The following KIR3DL1 variants were observed in gnomAD, a reference collection of about 807,000 sequenced individuals.
KIR3DL1 encodes killer cell immunoglobulin like receptor, three Ig domains and long cytoplasmic tail 1, also known as killer cell immunoglobulin-like receptor 3DL1.
A neutral mutation model predicts 40.3 loss-of-function variants in KIR3DL1; 50 were observed. That is an observed-to-expected ratio of 1.24 (90% CI 0.99 to 1.57). The LOEUF is 1.57. KIR3DL1 is among the 40% of genes most tolerant of loss of function. The pLI is 0.00. For missense variants in KIR3DL1, 661 were observed against 559.9 expected (o/e 1.18, Z -1.82); for synonymous variants, 257 against 207.2 (o/e 1.24, Z -2.07).
At chr19:54,817,784 A>G (rs2061424594) in intron 2 of KIR3DL1, among the ~76,000 whole-genome samples, 1 of 147,882 alleles carries the variant, frequency 6.8e-6, no homozygotes, top group African/African-American at 2.6e-5. Context: ...GTGCTCCAAG[A>G]TGGGTGTGCA....
chr19:54,827,542 G>T (rs1220160160), intron 6 of KIR3DL1, among the ~76,000 whole-genome samples: 4 of 150,670 alleles, frequency 2.7e-5, no homozygotes, highest in Non-Finnish European at 4.4e-5. Flanking sequence ...TTCAACCCAG[G>T]AGGTGGAGGT....
chr19:54,818,218 G>T (rs1474848564), intron 2 of KIR3DL1, 97 bp from the exon 3 acceptor site: 3 of 1,371,672 alleles, frequency 2.2e-6, no homozygotes, highest in Admixed American at 3.9e-5. Flanking sequence ...TGTGGTAGGA[G>T]CCTTAGAAAG....
chr19:54,817,401 C>G (rs1276304975), intron 1 of KIR3DL1, 133 bp from the exon 2 acceptor site: 3 of 768,540 alleles, frequency 3.9e-6, no homozygotes, highest in African/African-American at 3.8e-5. Context: ...TTCCTGGGGG[C>G]AGGTAGGCAG....
At chr19:54,823,936 C>T in intron 5 of KIR3DL1, among the ~76,000 whole-genome samples, 1 of 135,916 alleles carries the variant, frequency 7.4e-6, no homozygotes, top group East Asian at 2.0e-4. Context: ...GTCTTTTGCT[C>T]GTTTTTTAAT....
chr19:54,826,344 T>G (rs1406724935), intron 6 of KIR3DL1, among the ~76,000 whole-genome samples: 10 of 149,066 alleles, frequency 6.7e-5, no homozygotes, highest in South Asian at 6.5e-4. Context: ...AGACAGAGTC[T>G]CCCTCTGTCT....
Position 54,821,562 on chromosome 19 carries a change from C to G in KIR3DL1, c.656-3C>G. On this transcript the variant is annotated splice_region_variant and splice_polypyrimidine_tract_variant and intron_variant, in intron 4 of 8. Transcript: ENST00000391728. ...CTGAGGAAACTGCCTCTTCTCCTTC[C>G]AGGTCCATATGAGAAACCTTCTCTC... 1 of 1,603,922 alleles carries G rather than the reference C, an allele frequency of 6.2e-7. No homozygotes were observed. Among genetic ancestry groups the G allele is most frequent in the Non-Finnish European group, 8.5e-7 (1 of 1,175,168 alleles).
At chr19:54,817,848 G>C (rs2061427581) in intron 2 of KIR3DL1, among the ~76,000 whole-genome samples, 3 of 148,798 alleles carry the variant, frequency 2.0e-5, no homozygotes, top group Admixed American at 2.0e-4. Flanking sequence ...GCTAGGAACA[G>C]CAGGTCCTCT....
intron 5 of KIR3DL1, among the ~76,000 whole-genome samples, chr19:54,822,561 G>A (rs2061692911): frequency 6.7e-6 from 1 of 150,330 alleles, no homozygotes; most frequent in South Asian, 2.1e-4. Context: ...CCAGGAGGCA[G>A]AGGTTGCACT....
At chr19:54,819,830 A>C (rs2061539788) in exon 4 of KIR3DL1, 1 of 1,611,980 alleles carries the variant, frequency 6.2e-7, no homozygotes, top group Non-Finnish European at 8.5e-7. Flanking sequence ...CTGCACAAAG[A>C]GGGGATCTCT....
In KIR3DL1 at chr19:54,821,564, G is replaced by A. The variant is rs1250808088; in HGVS notation, c.656-1G>A. The A allele has an allele frequency of 1.9e-6, 3 of 1,604,462 alleles. No individual in the cohort carries two copies. Among genetic ancestry groups the A allele is most frequent in the Middle Eastern group, 1.7e-4 (1 of 5,984 alleles). On this transcript the variant is annotated splice_acceptor_variant, in intron 4 of 8. Coordinates refer to ENST00000391728, the Ensembl canonical transcript of KIR3DL1. LOFTEE classifies it high-confidence loss of function. Reference sequence around the variant, plus strand: ...GAGGAAACTGCCTCTTCTCCTTCCAGGTCCATATGAGAAACCTTCTCTCTC... The same window carrying A: ...GAGGAAACTGCCTCTTCTCCTTCCAAGTCCATATGAGAAACCTTCTCTCTC...
chr19:54,824,074 G>C (rs1194467457), intron 5 of KIR3DL1, among the ~76,000 whole-genome samples: 1 of 151,304 alleles, frequency 6.6e-6, no homozygotes, highest in Non-Finnish European at 1.5e-5. Context: ...TTTATCTTTT[G>C]TGGTGCAGAA....
At chr19:54,823,094 G>A (rs2080653534) in intron 5 of KIR3DL1, among the ~76,000 whole-genome samples, 1 of 150,558 alleles carries the variant, frequency 6.6e-6, no homozygotes, top group South Asian at 2.1e-4. Flanking sequence ...AGTCTAAGTG[G>A]TGAGATCTTG....
chr19:54,821,140 G>A (rs1292078896), intron 4 of KIR3DL1, among the ~76,000 whole-genome samples: 2 of 149,782 alleles, frequency 1.3e-5, no homozygotes, highest in Admixed American at 1.3e-4. Context: ...TGGATAGATA[G>A]ACAGACAGAC....
Position 54,822,234 on chromosome 19 carries a change from C to T in KIR3DL1, c.949+376C>T, listed in dbSNP as rs753367064. ...ATATCATCACCAGCAACCCCTACAC[C>T]CTTTTCTTTTCATTTTCAAAAATAT... On this transcript the variant is annotated intron_variant, in intron 5 of 8. Transcript: ENST00000391728. Among the ~76,000 whole-genome samples, 97 of 151,360 alleles carry T rather than the reference C, an allele frequency of 6.4e-4. 2 individuals carry two copies. The highest frequency in any genetic ancestry group is 1.1e-3 in the Non-Finnish European group (78 of 67,934).
intron 6 of KIR3DL1, among the ~76,000 whole-genome samples, chr19:54,827,924 TGG>T (rs1431866534): frequency 4.7e-5 from 7 of 150,094 alleles, no homozygotes; most frequent in South Asian, 2.1e-4. Flanking sequence ...CAATCACCTG[TGG>T]AAATACAGAT....
Position 54,823,717 on chromosome 19 carries a change from C to G in KIR3DL1, c.950-1311C>G, listed in dbSNP as rs544005298. Among the ~76,000 whole-genome samples the G allele has an allele frequency of 5.9e-5, 9 of 151,500 alleles. 1 individual carries two copies. In the South Asian group the frequency reaches 1.7e-3, roughly 28 times the overall value. On this transcript the variant is annotated intron_variant, in intron 5 of 8. Transcript: ENST00000391728. ...TTCTCCATGATGGTCAGGCTGGTCT[C>G]CCGACCTCAGGTGATCCGCCCACCT... is the stretch of plus-strand genomic sequence containing the variant.
rs1361424666 is a variant in KIR3DL1 at position 54,823,192 on chromosome 19, G to C, written c.949+1334G>C. ...TGTGATTACAGGTGCACGCCACCAT[G>C]CCTGGCTAATTTTTGTATTTTTTTA... is the stretch of plus-strand genomic sequence containing the variant. On this transcript the variant is annotated intron_variant, in intron 5 of 8. Coordinates refer to ENST00000391728, the Ensembl canonical transcript of KIR3DL1. 8.6e-5 allele frequency among the ~76,000 whole-genome samples: 13 copies of C among 150,938 alleles called. No homozygotes were observed. The East Asian group carries it at 2.5e-3, about 29-fold the overall frequency.
chr19:54,818,743 T>C (rs2061485722), intron 3 of KIR3DL1, 144 bp downstream of exon 3: 1 of 1,102,248 alleles, frequency 9.1e-7, no homozygotes, highest in African/African-American at 1.6e-5. Context: ...AAATGGGTGC[T>C]GTGGTGGGAA....
At chr19:54,827,285 G>C (rs1198555277) in intron 6 of KIR3DL1, among the ~76,000 whole-genome samples, 1 of 150,100 alleles carries the variant, frequency 6.7e-6, no homozygotes, top group South Asian at 2.1e-4. Flanking sequence ...GGAAATGAAG[G>C]GACCTATTAT....
Sources: allele counts gnomAD v4.1 joint callset (sites outside exome capture counted in the v4.1 genomes callset), GRCh38; gene constraint gnomAD v4.1.1; transcripts MANE v1.5; gene names NCBI Gene and HGNC (gene_info 2026-07-23, HGNC 2026-07-21).